Variants in CIB1 observed in about 807,000 individuals in gnomAD.
CIB1 encodes calcium and integrin-binding protein 1.
CIB1 carries 19 observed loss-of-function variants against 25.0 expected under a neutral mutation model. That is an observed-to-expected ratio of 0.76 (90% CI 0.53 to 1.12). CIB1 has a LOEUF of 1.12. CIB1 is among the 50% of genes most tolerant of loss of function. The pLI, the probability that CIB1 is intolerant of heterozygous loss-of-function variation, is 0.00. For synonymous variants in CIB1, 104 were observed against 98.5 expected (o/e 1.06, Z -0.33); for missense variants, 236 against 242.6 (o/e 0.97, Z 0.18).
chr15:90,261,708 A>C, the CIB1 span, among the ~76,000 whole-genome samples: 1 of 152,184 alleles, frequency 6.6e-6, no homozygotes, highest in South Asian at 2.1e-4. Flanking sequence ...TAAACCTGGG[A>C]GGCAGAGGTT....
At chr15:90,256,595 T>TTCTTTCTC in the CIB1 span, among the ~76,000 whole-genome samples, 4 of 37,886 alleles carry the variant, frequency 1.1e-4, no homozygotes, top group Admixed American at 3.5e-4. Context: ...CTTTCTTTCT[T>TTCTTTCTC]TCTTTCTTTC....
chr15:90,255,983 G>A, the CIB1 span: 3 of 1,583,476 alleles, frequency 1.9e-6, no homozygotes, highest in East Asian at 6.7e-5. Flanking sequence ...TCAGAGGGAT[G>A]GAAGTGGAAT....
At chr15:90,246,157 T>C in the CIB1 span, among the ~76,000 whole-genome samples, 2 of 151,792 alleles carry the variant, frequency 1.3e-5, no homozygotes, top group Non-Finnish European at 2.9e-5. Context: ...CCTGTAATCC[T>C]AGCTACTCAG....
At chr15:90,252,605 G>A in the CIB1 span, among the ~76,000 whole-genome samples, 1 of 152,166 alleles carries the variant, frequency 6.6e-6, no homozygotes, top group Non-Finnish European at 1.5e-5. Flanking sequence ...TATTCCCTCT[G>A]GCATCTTTAT....
chr15:90,248,122 C>T, the CIB1 span, among the ~76,000 whole-genome samples: 1 of 151,890 alleles, frequency 6.6e-6, no homozygotes, highest in Non-Finnish European at 1.5e-5. Flanking sequence ...TCACGGCATC[C>T]TCTTAACTCC....
chr15:90,258,583 T>C, the CIB1 span: 2 of 650,706 alleles, frequency 3.1e-6, no homozygotes, highest in South Asian at 3.7e-5. Flanking sequence ...ATTGGAGATC[T>C]CTATGGCAGA....
the CIB1 span, chr15:90,262,352 C>T: frequency 8.8e-7 from 1 of 1,138,316 alleles, no homozygotes; most frequent in South Asian, 1.7e-5. Context: ...AGTAGGTTTC[C>T]TATCTTCCCC....
chr15:90,264,779 C>G, the CIB1 span: 2 of 1,536,088 alleles, frequency 1.3e-6, no homozygotes, highest in Non-Finnish European at 1.7e-6. Context: ...ATCAGTGCCA[C>G]CCACTTTAAC....
At chr15:90,264,800 G>A in the CIB1 span, 1 of 1,535,944 alleles carries the variant, frequency 6.5e-7, no homozygotes, top group African/African-American at 1.4e-5. Context: ...CCCAAAGCAG[G>A]GCTATTTTCT....
At chr15:90,243,477 G>A in the CIB1 span, 1 of 152,078 alleles carries the variant, frequency 6.6e-6, no homozygotes, top group Non-Finnish European at 1.5e-5. Context: ...CCCCTGAGTA[G>A]CTGGGACGAT....
intron 3 of CIB1, 80 bp from the exon 4 acceptor site, chr15:90,231,587 C>G: frequency 6.6e-7 from 1 of 1,524,630 alleles, no homozygotes; most frequent in South Asian, 1.2e-5. Context: ...GAGCAGGTCA[C>G]AGGACCAGCA....
the CIB1 span, chr15:90,241,407 G>A: frequency 1.1e-4 from 173 of 1,613,666 alleles, 1 homozygote; most frequent in East Asian, 1.6e-3. Flanking sequence ...GTGGGGCCAC[G>A]TGCTGCTGGT....
At chr15:90,243,579 T>G in the CIB1 span, 1 of 151,062 alleles carries the variant, frequency 6.6e-6, no homozygotes, top group Non-Finnish European at 1.5e-5. Context: ...ACTCCTGGCC[T>G]TAAGAAATCC....
chr15:90,247,196 G>A, the CIB1 span, among the ~76,000 whole-genome samples: 3 of 151,172 alleles, frequency 2.0e-5, no homozygotes, highest in Admixed American at 6.6e-5. Flanking sequence ...GGCTGGTCTC[G>A]AACTCCTGAC....
chr15:90,251,140 G>A, the CIB1 span, among the ~76,000 whole-genome samples: 5 of 46,010 alleles, frequency 1.1e-4, no homozygotes, highest in African/African-American at 4.9e-4. Context: ...TTGAGACAGA[G>A]TCTCGCTCTG....
rs975032724 is a variant in CIB1, at chr15:90,233,253, C to T, written c.86+416G>A. ...ACGCAGGCAACCATTTAGCACAGTCCCTGGCACATGGTGAGTGCTCAGAAA... is the reference window on the plus strand; with the variant it reads ...ACGCAGGCAACCATTTAGCACAGTCTCTGGCACATGGTGAGTGCTCAGAAA... On this transcript the variant is annotated intron_variant, in intron 2 of 6. Transcript: ENST00000328649. 2.0e-5 allele frequency among the ~76,000 whole-genome samples: 3 copies of T among 152,260 alleles called. No homozygotes were observed. The East Asian group carries it at 5.8e-4, about 29-fold the overall frequency.
chr15:90,255,032 G>A, the CIB1 span, among the ~76,000 whole-genome samples: 1 of 152,212 alleles, frequency 6.6e-6, no homozygotes, highest in Non-Finnish European at 1.5e-5. Flanking sequence ...AGTTCATACA[G>A]TGAGTGCGGC....
chr15:90,257,304 T>C, the CIB1 span: 1 of 1,596,122 alleles, frequency 6.3e-7, no homozygotes, highest in Admixed American at 1.8e-5. Context: ...GGAAGCACTC[T>C]TCTTTTCCAC....
At chr15:90,245,865 A>C in the CIB1 span, 1 of 152,200 alleles carries the variant, frequency 6.6e-6, no homozygotes, top group Admixed American at 6.5e-5. Context: ...TTTGGACTGC[A>C]GCTTTTTCTA....
Sources: allele counts gnomAD v4.1 joint callset (sites outside exome capture counted in the v4.1 genomes callset), GRCh38; gene constraint gnomAD v4.1.1; transcripts MANE v1.5; gene names NCBI Gene and HGNC (gene_info 2026-07-23, HGNC 2026-07-21).